Variants in CSNK2A1 observed in about 807,000 individuals in gnomAD.
CSNK2A1 encodes the protein casein kinase 2 alpha 1, also known as casein kinase II subunit alpha.
In CSNK2A1, 10 loss-of-function variants were observed where a neutral mutation model predicts 62.9. The ratio of observed to expected loss-of-function variants is 0.16; its 90% CI spans 0.10 to 0.27. The LOEUF is 0.27. Among genes scored for constraint, CSNK2A1 ranks in the 10% least tolerant of loss-of-function variants. The pLI is 1.00. For synonymous variants in CSNK2A1, 124 were observed against 167.8 expected (o/e 0.74, Z 2.02); for missense variants, 160 against 492.0 (o/e 0.33, Z 6.38).
intron 7 of CSNK2A1, chr20:496,716 C>T (rs1463819937): frequency 2.0e-5 from 3 of 152,216 alleles, no homozygotes; most frequent in Non-Finnish European, 4.4e-5. Flanking sequence ...TTTATGTCAA[C>T]TCTTGTTTAG....
intron 8 of CSNK2A1, chr20:494,274 T>G (rs1348217237): frequency 6.6e-6 from 1 of 152,140 alleles, no homozygotes; most frequent in Non-Finnish European, 1.5e-5. Context: ...GTCATCTGCC[T>G]GCCTTGGCCT....
chr20:519,058 C>A (rs914759688), intron 2 of CSNK2A1, among the ~76,000 whole-genome samples: 1 of 151,390 alleles, frequency 6.6e-6, no homozygotes, highest in Admixed American at 6.6e-5. Flanking sequence ...GCCTCAGCCT[C>A]CAGAGTAGCT....
intron 2 of CSNK2A1, among the ~76,000 whole-genome samples, chr20:522,786 G>A (rs927677173): frequency 2.6e-5 from 4 of 152,120 alleles, no homozygotes; most frequent in African/African-American, 7.2e-5. Context: ...GTTCACAGCA[G>A]CCTCAAACTC....
intron 3 of CSNK2A1, chr20:507,704 C>G (rs1342297673): frequency 6.6e-6 from 1 of 152,194 alleles, no homozygotes; most frequent in Non-Finnish European, 1.5e-5. Flanking sequence ...CTGTTTCGTC[C>G]TCCTGTATTA....
intron 3 of CSNK2A1, chr20:506,585 T>C (rs2018607004): frequency 6.6e-6 from 1 of 152,146 alleles, no homozygotes; most frequent in Non-Finnish European, 1.5e-5. Context: ...ACAGTTCCAA[T>C]AAGGCCTAAA....
At position 478,642 on chromosome 20, in the gene CSNK2A1, T is replaced by C. The variant is rs781298365; in HGVS notation, c.*5319A>G. On this transcript the variant is annotated 3_prime_UTR_variant, in exon 14 of 14. Coordinates refer to ENST00000217244, the MANE Select transcript of CSNK2A1 (RefSeq NM_177559.3). The stretch of plus-strand genomic sequence containing the variant: ...TCACATTGAGGCCAATAAGAATCCC[T>C]AGTGGGCCAGGTGTGGTGGCTCATG... The C allele has an allele frequency of 6.9e-6, 3 of 434,436 alleles. No individual in the cohort carries two copies. Among genetic ancestry groups the C allele is most frequent in the Non-Finnish European group, 1.4e-5 (3 of 218,260 alleles). The allele number at this position is 434,436 out of a possible 1,614,324, so 26.9% of individuals were successfully genotyped here. A position where few individuals can be genotyped will look rare whatever the true frequency, so the allele number is the denominator to read the frequency against.
Position 486,404 on chromosome 20 carries a change from C to T in CSNK2A1, c.1032G>A (p.Thr344=), listed in dbSNP as rs61748899. 1.6e-4 allele frequency: 258 copies of T among 1,613,102 alleles called. No homozygotes were observed. The highest frequency in any genetic ancestry group is 2.0e-4 in the Non-Finnish European group (240 of 1,179,720). Residue 344 remains threonine (T), a synonymous_variant, in exon 13 of 14, where the codon ACG becomes ACA. Transcript: ENST00000217244. ...ACATCATATTGGCGCTGCTGACGGGCGTACTGCCCCCTGGCATGCTAGATG... is the reference window on the plus strand; with the variant it reads ...ACATCATATTGGCGCTGCTGACGGGTGTACTGCCCCCTGGCATGCTAGATG... ...MGSSSMPGGS[T]PVSSANMMSG...
intron 9 of CSNK2A1, among the ~76,000 whole-genome samples, chr20:491,156 C>T (rs749040691): frequency 6.6e-6 from 1 of 152,076 alleles, no homozygotes; most frequent in South Asian, 2.1e-4. Flanking sequence ...TTAAAATCAA[C>T]TGATAATAAC....
At chr20:514,968 C>T (rs1163574364) in intron 2 of CSNK2A1, among the ~76,000 whole-genome samples, 1 of 152,164 alleles carries the variant, frequency 6.6e-6, no homozygotes, top group Non-Finnish European at 1.5e-5. Flanking sequence ...CAAGGCAGAA[C>T]AGGGGTGAGA....
intron 4 of CSNK2A1, chr20:501,515 C>T (rs970914320): frequency 1.3e-5 from 2 of 152,164 alleles, no homozygotes; most frequent in African/African-American, 4.8e-5. Context: ...AATCTAAAAT[C>T]TTAACATATA....
chr20:507,811 C>T (rs1350315902), intron 3 of CSNK2A1: 1 of 152,156 alleles, frequency 6.6e-6, no homozygotes. Context: ...CTGCAATGCC[C>T]TTGGCTTGAT....
Position 480,910 on chromosome 20 carries a change from A to G in CSNK2A1, c.*3051T>C, listed in dbSNP as rs1265815620. The G allele has an allele frequency of 6.6e-6, 1 of 152,232 alleles. No individual in the cohort carries two copies. Among genetic ancestry groups the G allele is most frequent in the Non-Finnish European group, 1.5e-5 (1 of 68,042 alleles). 9.4% of individuals were successfully genotyped at this position (152,232 alleles called of 1,614,324 possible). ...TAATTTTCTCTGCTACTTTAGGACTATAGTAATTAGCCATACCCTGAGGAT... is the reference window on the plus strand; with the variant it reads ...TAATTTTCTCTGCTACTTTAGGACTGTAGTAATTAGCCATACCCTGAGGAT... On this transcript the variant is annotated 3_prime_UTR_variant, in exon 14 of 14. Coordinates refer to ENST00000217244, the MANE Select transcript of CSNK2A1 (RefSeq NM_177559.3).
chr20:511,858 T>G (rs73569094), intron 2 of CSNK2A1, among the ~76,000 whole-genome samples: 11,082 of 152,190 alleles, frequency 0.073, 445 homozygotes, highest in South Asian at 0.13. Context: ...TTTCAAATCT[T>G]TTATGTATAT....
At chr20:505,359 T>TG (rs1421412388) in intron 3 of CSNK2A1, 130 bp from the exon 4 acceptor site, 85 of 689,562 alleles carry the variant, frequency 1.2e-4, no homozygotes, top group African/African-American at 9.6e-4. Context: ...AGGTTTTTTT[T>TG]TTTTTTTTTT....
At chr20:511,917 T>C (rs1455472366) in intron 2 of CSNK2A1, among the ~76,000 whole-genome samples, 1 of 152,202 alleles carries the variant, frequency 6.6e-6, no homozygotes, top group African/African-American at 2.4e-5. Flanking sequence ...TGTTAATTTT[T>C]TGAAGAACCA....
chr20:484,939 C>T (rs1422482426), intron 13 of CSNK2A1, among the ~76,000 whole-genome samples: 7 of 148,594 alleles, frequency 4.7e-5, no homozygotes, highest in African/African-American at 7.4e-5. Flanking sequence ...TCATGGCGGG[C>T]GCCTGTAGTC....
intron 9 of CSNK2A1, among the ~76,000 whole-genome samples, chr20:491,700 G>A (rs1486181597): frequency 3.9e-5 from 6 of 151,988 alleles, no homozygotes. Context: ...GGGCGTGGTG[G>A]CTCACGAGGG....
chr20:506,028 A>ATC, intron 3 of CSNK2A1: 1 of 151,352 alleles, frequency 6.6e-6, no homozygotes, highest in Non-Finnish European at 1.5e-5. Context: ...GGCGCCCACC[A>ATC]CCACGCCCGG....
In CSNK2A1 at chr20:487,573, T is replaced by C; in HGVS notation, c.827A>G (p.His276Arg). 1.2e-6 allele frequency: 2 copies of C among 1,614,078 alleles called. No individual in the cohort carries two copies. The highest frequency in any genetic ancestry group is 1.7e-6 in the Non-Finnish European group (2 of 1,180,028). ...DPRFNDILGR[H>R]SRKRWERFVH... ...AAAGCGTTCCCATCGCTTTCGAGAGTGTCTGCAGGACCAAAAGAGGGCATG... is the reference window on the plus strand; with the variant it reads ...AAAGCGTTCCCATCGCTTTCGAGAGCGTCTGCAGGACCAAAAGAGGGCATG... The change falls in exon 12 of 14, where the codon CAC becomes CGC. Residue 276 changes from histidine to arginine, a missense_variant and splice_region_variant. Physicochemically the swap from His to Arg is conservative, Grantham distance 29 (BLOSUM62 0). Around this residue, in one of 3 missense-constraint regions of CSNK2A1, gnomAD observed 94 missense variants for 357.6 expected, o/e 0.26. Transcript: ENST00000217244.
Sources: gnomAD v4.1 joint callset for allele counts (sites outside exome capture counted in the v4.1 genomes callset) on GRCh38, gnomAD v4.1.1 for gene constraint, gnomAD v4.1.1 regional missense constraint, MANE v1.5 for transcripts, NCBI Gene and HGNC (gene_info 2026-07-23, HGNC 2026-07-21) for gene names.